The following FCRL5 variants were observed in gnomAD, a reference collection of about 807,000 sequenced individuals.
FCRL5 encodes the protein Fc receptor like 5.
Under a neutral mutation model 92.1 loss-of-function variants are expected in FCRL5, and 79 were observed. The observed-to-expected ratio is 0.86, with a 90% CI of 0.72 to 1.03. The LOEUF is 1.03. FCRL5 is among the 50% of genes least tolerant of loss of function. The pLI is 0.00. For missense variants in FCRL5, 1,160 were observed against 1,181.1 expected, an observed-to-expected ratio of 0.98 and a Z score of 0.26; for synonymous variants, 466 against 469.3, an observed-to-expected ratio of 0.99 and a Z score of 0.09.
intron 5 of FCRL5, 80 bp from the exon 6 acceptor site, chr1:157,543,217 A>C: frequency 7.4e-7 from 1 of 1,354,400 alleles, no homozygotes; most frequent in Non-Finnish European, 1.0e-6. Context: ...GCAAATGCCC[A>C]GTCTCCAGTC....
chr1:157,525,334 A>G (rs1423151750), intron 9 of FCRL5, among the ~76,000 whole-genome samples: 1 of 152,244 alleles, frequency 6.6e-6, no homozygotes, highest in Non-Finnish European at 1.5e-5. Flanking sequence ...GCAGGCAAAC[A>G]GTATGTGCAA....
At chr1:157,526,314 T>C (rs935023771) in intron 9 of FCRL5, among the ~76,000 whole-genome samples, 1 of 152,044 alleles carries the variant, frequency 6.6e-6, no homozygotes, top group Non-Finnish European at 1.5e-5. Context: ...GTGAGAAACA[T>C]TTTGGTGGAG....
At position 157,521,245 on chromosome 1, in the gene FCRL5, C is replaced by T; in HGVS notation, c.2287G>A (p.Ala763Thr). 1 of 1,614,072 alleles carries T rather than the reference C, an allele frequency of 6.2e-7. No individual in the cohort carries two copies. ...VLTLRAPGTH[A>T]AVGDLLELHC... ...AGCTCCAGCAGGTCCCCCACCGCAGCATGGGTCCCGGGAGCCCTGAGGGTG... is the reference window on the plus strand; with the variant it reads ...AGCTCCAGCAGGTCCCCCACCGCAGTATGGGTCCCGGGAGCCCTGAGGGTG... Residue 763 changes from alanine to threonine, a missense_variant, in exon 11 of 17, where the codon GCT becomes ACT. Coordinates refer to ENST00000361835, the MANE Select transcript of FCRL5 (RefSeq NM_031281.3).
chr1:157,544,780 C>A (rs1394794883), intron 4 of FCRL5, 51 bp downstream of exon 4: 1 of 1,609,154 alleles, frequency 6.2e-7, no homozygotes, highest in Non-Finnish European at 8.5e-7. Flanking sequence ...TCTATGACCC[C>A]AAGGAATCTC....
At chr1:157,520,658 G>A (rs1650138365) in intron 11 of FCRL5, 111 bp from the exon 12 acceptor site, 8 of 760,594 alleles carry the variant, frequency 1.1e-5, no homozygotes, top group South Asian at 5.5e-5. Flanking sequence ...GCAGGTCCCC[G>A]GCAGCTAAGC....
At chr1:157,525,027 A>G (rs11810133) in intron 9 of FCRL5, among the ~76,000 whole-genome samples, 10,002 of 152,256 alleles carry the variant, frequency 0.066, 847 homozygotes, top group African/African-American at 0.19. Context: ...TTTTTAAAAA[A>G]TTGAGCAAAA....
chr1:157,544,725 G>A (rs945466775), intron 4 of FCRL5, 106 bp downstream of exon 4: 1 of 1,486,332 alleles, frequency 6.7e-7, no homozygotes, highest in Admixed American at 1.9e-5. Flanking sequence ...AATGTGTCCT[G>A]TGGTTTAGTG....
Position 157,515,736 on chromosome 1 carries a change from T to C in FCRL5, c.2873A>G (p.Lys958Arg), listed in dbSNP as rs1371185246. The change falls in exon 17 of 17, where the codon AAG becomes AGG. Residue 958 changes from lysine to arginine, a missense_variant. Coordinates refer to ENST00000361835, the MANE Select transcript of FCRL5 (RefSeq NM_031281.3). ...KGSPIIYSEV[K>R]VASTPVSGSL... ...TCCGGAAACCGGGGTTGACGCCACC[T>C]TAACTTCAGAGTAGATGATAGGGGA... 1 of 1,614,108 alleles carries C rather than the reference T, an allele frequency of 6.2e-7. No homozygotes were observed. The highest frequency in any genetic ancestry group is 2.2e-5 in the East Asian group (1 of 44,878).
In FCRL5 at chr1:157,519,070, A is replaced by G. The variant is rs1195484420; in HGVS notation, c.2661-288T>C. On this transcript the variant is annotated intron_variant, in intron 13 of 16. Transcript: ENST00000361835. The stretch of plus-strand genomic sequence containing the variant: ...TTAGCTGAAACAAACGGAGGCTCCA[A>G]TAAGTGACTTATGAAGATCATGTAA... The G allele has an allele frequency of 1.5e-5, 4 of 258,072 alleles. 1 individual carries two copies. The highest frequency in any genetic ancestry group is 4.9e-5 in the Admixed American group (1 of 20,278). 16.0% of individuals were successfully genotyped at this position (258,072 alleles called of 1,614,324 possible). A position where few individuals can be genotyped will look rare whatever the true frequency, so the allele number is the denominator to read the frequency against.
intron 3 of FCRL5, among the ~76,000 whole-genome samples, chr1:157,545,422 A>G (rs756819433): frequency 6.0e-5 from 9 of 151,080 alleles, no homozygotes; most frequent in Non-Finnish European, 1.2e-4. Flanking sequence ...TTCACTTACT[A>G]TGCTATGAAC....
In FCRL5 at chr1:157,533,979, A is replaced by G. The variant is rs571947530; in HGVS notation, c.1681+635T>C. 34 of 160,470 alleles carry G rather than the reference A, an allele frequency of 2.1e-4. No individual in the cohort carries two copies. The South Asian group carries it at 4.2e-3, about 20-fold the overall frequency. The allele number at this position is 160,470 out of a possible 1,614,324, so 9.9% of individuals were successfully genotyped here. A position where few individuals can be genotyped will look rare whatever the true frequency, so the allele number is the denominator to read the frequency against. On this transcript the variant is annotated intron_variant, in intron 8 of 16. Coordinates refer to ENST00000361835, the MANE Select transcript of FCRL5 (RefSeq NM_031281.3). ...TCTATAAACAAAGATTCAAGTAAAA[A>G]CAGAAGCAACTTAGCTCCTAAAAAG...
Position 157,515,845 on chromosome 1 carries a change from G to T in FCRL5, c.2841C>A (p.Asn947Lys). The change falls in exon 16 of 17, where the codon AAC (asparagine) becomes AAA (lysine). Residue 947 changes from asparagine to lysine, a missense_variant. Coordinates refer to ENST00000361835, the MANE Select transcript of FCRL5 (RefSeq NM_031281.3). ...AVASDPRHLR[N>K]KGSPIIYSEV... ...GCATGCAGAAGGGGAGACTCACCTT[G>T]TTCCTGAGATGCCTGGGGTCAGAGG... is the stretch of plus-strand genomic sequence containing the variant. The T allele has an allele frequency of 6.2e-7, 1 of 1,614,064 alleles. No individual in the cohort carries two copies.
At chr1:157,542,724 G>A (rs1651323596) in intron 6 of FCRL5, 135 bp downstream of exon 6, 3 of 1,076,118 alleles carry the variant, frequency 2.8e-6, no homozygotes. Flanking sequence ...CAGTGAGCCG[G>A]AGAGTGGAGG....
At chr1:157,550,164 G>T (rs1281930197) in intron 1 of FCRL5, among the ~76,000 whole-genome samples, 1 of 152,196 alleles carries the variant, frequency 6.6e-6, no homozygotes, top group Non-Finnish European at 1.5e-5. Flanking sequence ...CAGGAACTGG[G>T]AGTGTTGGGG....
At chr1:157,533,187 A>G (rs1186713210) in intron 8 of FCRL5, 1 of 152,072 alleles carries the variant, frequency 6.6e-6, no homozygotes, top group Admixed American at 6.5e-5. Context: ...TACATATTCA[A>G]GTTTTCTTTA....
intron 7 of FCRL5, 123 bp downstream of exon 7, chr1:157,538,963 G>C: frequency 9.3e-7 from 1 of 1,075,346 alleles, no homozygotes; most frequent in Non-Finnish European, 1.3e-6. Context: ...GAGTGGAGGA[G>C]GATATTAGGT....
rs957375618 is a variant in FCRL5 at position 157,529,448 on chromosome 1, A to G, written c.1682-1553T>C. On this transcript the variant is annotated intron_variant, in intron 8 of 16. Coordinates refer to ENST00000361835, the MANE Select transcript of FCRL5 (RefSeq NM_031281.3). The stretch of plus-strand genomic sequence containing the variant: ...TCATCCAGCAATCCCACTACTGGGT[A>G]TCTACCCAGAGGAAAAGAAGTCATT... 3.7e-4 allele frequency among the ~76,000 whole-genome samples: 57 copies of G among 152,226 alleles called. 1 individual carries two copies. Among genetic ancestry groups the G allele is most frequent in the Admixed American group, 3.9e-4 (6 of 15,284 alleles).
intron 1 of FCRL5, among the ~76,000 whole-genome samples, chr1:157,550,071 T>TGTTA (rs1401367421): frequency 6.6e-6 from 1 of 151,990 alleles, no homozygotes; most frequent in African/African-American, 2.4e-5. Context: ...TGCAGGTGGA[T>TGTTA]GTTAGCATTT....
At chr1:157,533,153 G>A (rs1650775976) in intron 8 of FCRL5, 1 of 151,926 alleles carries the variant, frequency 6.6e-6, no homozygotes, top group Non-Finnish European at 1.5e-5. Flanking sequence ...AGTCAATAAC[G>A]TCATCAACAT....
Sources: gnomAD v4.1 joint callset for allele counts (sites outside exome capture counted in the v4.1 genomes callset) on GRCh38, gnomAD v4.1.1 for gene constraint, MANE v1.5 for transcripts, NCBI Gene and HGNC (gene_info 2026-07-23, HGNC 2026-07-21) for gene names.